The following MYOC variants were observed in gnomAD, a reference collection of about 807,000 sequenced individuals.
MYOC encodes juvenile-onset open-angle glaucoma 1.
A neutral mutation model predicts 28.2 loss-of-function variants in MYOC; 29 were observed. That is an observed-to-expected ratio of 1.03 (90% confidence interval 0.77 to 1.40). The LOEUF is 1.40. Among genes scored for constraint, MYOC ranks in the 40% most tolerant of loss-of-function variants. MYOC has a pLI of 0.00. For synonymous variants in MYOC, 240 were observed against 245.6 expected (o/e 0.98, Z 0.21); for missense variants, 569 against 620.6 (o/e 0.92, Z 0.88).
chr1:171,652,039 A>G lies in MYOC; in HGVS notation c.573T>C (p.Thr191=), dbSNP rs145981631. ...RRGQCPQTRD[T]ARAVPPGSRE... is the part of the protein sequence containing the mutation. ...TGGAGCCTGGTGGCACAGCCCGAGC[A>G]GTGTCTCGGGTCTGGGGACACTGGC... is the stretch of plus-strand genomic sequence containing the variant. Residue 191 remains threonine, a synonymous_variant, in exon 1 of 3, where the codon ACT becomes ACC. Coordinates refer to ENST00000037502, the MANE Select transcript of MYOC (RefSeq NM_000261.2). The G allele has an allele frequency of 4.6e-5, 74 of 1,614,198 alleles. 2 individuals are homozygous for G. The South Asian group carries it at 8.0e-4, about 17-fold the overall frequency.
Position 171,636,750 on chromosome 1 carries a change from A to G in MYOC, c.731-41T>C, listed in dbSNP as rs759577819. The G allele has an allele frequency of 4.4e-6, 7 of 1,587,296 alleles. No homozygotes were observed. In the Admixed American group the frequency reaches 1.0e-4, roughly 23 times the overall value. ...AAGAAAACGAAGCACCACTTAATCC[A>G]TAATCTTTCCAAACACAGACAATGA... On this transcript the variant is annotated intron_variant, in intron 2 of 2. Transcript: ENST00000037502.
intron 1 of MYOC, among the ~76,000 whole-genome samples, chr1:171,647,606 G>C (rs578231926): frequency 1.3e-5 from 2 of 152,286 alleles, no homozygotes; most frequent in East Asian, 3.9e-4. Flanking sequence ...TATTCACTGG[G>C]TGGCCACTGC....
chr1:171,641,814 C>T (rs1370436432), intron 1 of MYOC, among the ~76,000 whole-genome samples: 1 of 152,038 alleles, frequency 6.6e-6, no homozygotes, highest in Non-Finnish European at 1.5e-5. Context: ...CCCCTGAGGC[C>T]GGAGCGCCTA....
intron 1 of MYOC, among the ~76,000 whole-genome samples, chr1:171,640,279 G>T (rs1317880808): frequency 6.6e-6 from 1 of 151,662 alleles, no homozygotes; most frequent in East Asian, 1.9e-4. Flanking sequence ...TGGGGTGGGG[G>T]TGGTGAGCCA....
chr1:171,640,879 A>C (rs1653059337), intron 1 of MYOC, among the ~76,000 whole-genome samples: 1 of 152,204 alleles, frequency 6.6e-6, no homozygotes, highest in Non-Finnish European at 1.5e-5. Flanking sequence ...GGAGACAGTA[A>C]AAAGATCAGC....
chr1:171,648,670 A>T (rs936892480), intron 1 of MYOC, among the ~76,000 whole-genome samples: 13 of 147,864 alleles, frequency 8.8e-5, no homozygotes, highest in Non-Finnish European at 1.6e-4. Context: ...AATTATATAT[A>T]TTTATATGTA....
intron 1 of MYOC, among the ~76,000 whole-genome samples, chr1:171,644,497 C>CA (rs1653151687): frequency 6.6e-6 from 1 of 150,740 alleles, no homozygotes; most frequent in African/African-American, 2.4e-5. Context: ...AAGTGAAACC[C>CA]AAAAAAGTCA....
At position 171,638,596 on chromosome 1, in the gene MYOC, C is replaced by T. The variant is rs202133894; in HGVS notation, c.730+1G>A. On this transcript the variant is annotated splice_donor_variant, in intron 2 of 2. Coordinates refer to ENST00000037502, the MANE Select transcript of MYOC (RefSeq NM_000261.2). LOFTEE classifies it high-confidence loss of function. ...AAAAGGGAAGAAACTTAACTTCATA[C>T]CGGTGTCTCCCTCTCCACTCCTGAG... is the stretch of plus-strand genomic sequence containing the variant. 6.2e-7 allele frequency: 1 copy of T among 1,614,076 alleles called. No individual in the cohort carries two copies. The highest frequency in any genetic ancestry group is 1.6e-4 in the Middle Eastern group (1 of 6,062).
Position 171,652,215 on chromosome 1 carries a change from T to C in MYOC, c.397A>G (p.Thr133Ala), listed in dbSNP as rs1311878166. 2.5e-6 allele frequency: 4 copies of C among 1,614,000 alleles called. No homozygotes were observed. Among genetic ancestry groups the C allele is most frequent in the Non-Finnish European group, 3.4e-6 (4 of 1,180,010 alleles). ...TLRRERDQLE[T>A]QTRELETAYS... is the part of the protein sequence containing the mutation. ...GCAGTCTCCAACTCTCTGGTTTGGGTTTCCAGCTGGTCCCGCTCCCGCCTC... is the reference window on the plus strand; with the variant it reads ...GCAGTCTCCAACTCTCTGGTTTGGGCTTCCAGCTGGTCCCGCTCCCGCCTC... Residue 133 changes from threonine (T) to alanine (A), a missense_variant, in exon 1 of 3, where the codon ACC becomes GCC. Coordinates refer to ENST00000037502, the MANE Select transcript of MYOC (RefSeq NM_000261.2).
intron 1 of MYOC, among the ~76,000 whole-genome samples, chr1:171,639,192 G>A (rs61805425): frequency 0.07 from 10,622 of 152,238 alleles, 395 homozygotes; most frequent in East Asian, 0.11. Flanking sequence ...TCAGAGAAGG[G>A]AAGATAAAAC....
Position 171,636,309 on chromosome 1 carries a change from C to A in MYOC, c.1131G>T (p.Thr377=), listed in dbSNP as rs140112372. 6.2e-7 allele frequency: 1 copy of A among 1,613,992 alleles called. No individual in the cohort carries two copies. The change falls in exon 3 of 3, where the codon ACG becomes ACT. Residue 377 remains threonine, a synonymous_variant. Transcript: ENST00000037502. ...CTTCATCCACAGCCAAGTCAATGTCCGTGTAGCCACCCCAAGAATACGGGA... is the reference window on the plus strand; with the variant it reads ...CTTCATCCACAGCCAAGTCAATGTCAGTGTAGCCACCCCAAGAATACGGGA... ...GQFPYSWGGY[T]DIDLAVDEAG... is the part of the protein sequence containing the mutation.
chr1:171,643,599 A>T (rs75755691), intron 1 of MYOC, among the ~76,000 whole-genome samples: 3,776 of 152,206 alleles, frequency 0.025, 166 homozygotes, highest in African/African-American at 0.085. Context: ...GTTTCCTTTC[A>T]TCTGTACCTC....
Position 171,636,145 on chromosome 1 carries a change from A to G in MYOC, c.1295T>C (p.Ile432Thr). ...GCTGACGGTGTACAAGGTGCCACAG[A>G]TGATGAAGGCATTGGCGACTGACTG... ...RKQSVANAFIICGTLYTVSSY... is the reference protein window; with the variant it reads ...RKQSVANAFITCGTLYTVSSY... Residue 432 changes from isoleucine (I) to threonine (T), a missense_variant, in exon 3 of 3, where the codon ATC becomes ACC. By Grantham distance (89) the Ile-to-Thr change is moderately conservative. Transcript: ENST00000037502. The G allele has an allele frequency of 6.2e-7, 1 of 1,614,164 alleles. No individual in the cohort carries two copies. Among genetic ancestry groups the G allele is most frequent in the Non-Finnish European group, 8.5e-7 (1 of 1,180,018 alleles).
chr1:171,644,048 CAA>C (rs1055932561), intron 1 of MYOC, among the ~76,000 whole-genome samples: 10 of 149,408 alleles, frequency 6.7e-5, no homozygotes, highest in Admixed American at 4.0e-4. Flanking sequence ...CATCTGTACA[CAA>C]AGTCTGGAGG....
intron 2 of MYOC, 37 bp from the exon 3 acceptor site, chr1:171,636,746 A>T (rs1652933425): frequency 4.4e-6 from 7 of 1,590,044 alleles, no homozygotes; most frequent in Non-Finnish European, 6.0e-6. Context: ...GCACCACTTA[A>T]TCCATAATCT....
chr1:171,652,096 G>T lies in MYOC; in HGVS notation c.516C>A (p.Ser172Arg). ...ENENLARRLE[S>R]SSQEVARLRR... ...TCAGCCTTGCTACCTCCTGGCTGCT[G>T]CTTTCCAACCTCCTGGCCAGATTCT... Residue 172 changes from serine (S) to arginine (R), a missense_variant, in exon 1 of 3, where the codon AGC becomes AGA. Transcript: ENST00000037502. 1 of 1,614,158 alleles carries T rather than the reference G, an allele frequency of 6.2e-7. No homozygotes were observed. The highest frequency in any genetic ancestry group is 8.5e-7 in the Non-Finnish European group (1 of 1,180,014).
Position 171,641,619 on chromosome 1 carries a change from T to A in MYOC, c.605-2897A>T, listed in dbSNP as rs536115467. ...GCTAACCGTAGGAACTGGCTACCCC[T>A]GGGAGGGGCAGTCCCTCTCACGTTT... On this transcript the variant is annotated intron_variant, in intron 1 of 2. Coordinates refer to ENST00000037502, the MANE Select transcript of MYOC (RefSeq NM_000261.2). 1.1e-4 allele frequency among the ~76,000 whole-genome samples: 17 copies of A among 152,290 alleles called. No homozygotes were observed. The South Asian group carries it at 3.3e-3, about 30-fold the overall frequency.
At chr1:171,651,549 C>T (rs969761609) in intron 1 of MYOC, among the ~76,000 whole-genome samples, 10 of 152,134 alleles carry the variant, frequency 6.6e-5, no homozygotes, top group African/African-American at 2.4e-4. Flanking sequence ...CAGGGAAGAA[C>T]ATTTAAAAAT....
At chr1:171,649,607 C>T (rs1653306901) in intron 1 of MYOC, among the ~76,000 whole-genome samples, 1 of 152,134 alleles carries the variant, frequency 6.6e-6, no homozygotes, top group African/African-American at 2.4e-5. Context: ...ACTAGCCTGA[C>T]CAACATGGTG....
Sources: gnomAD v4.1 joint callset for allele counts (sites outside exome capture counted in the v4.1 genomes callset) on GRCh38, gnomAD v4.1.1 for gene constraint, MANE v1.5 for transcripts, NCBI Gene and HGNC (gene_info 2026-07-23, HGNC 2026-07-21) for gene names.